DVL1: variants seen among roughly 807,000 people sequenced by gnomAD.
DVL1 encodes segment polarity protein dishevelled homolog DVL-1.
Under a neutral mutation model 65.0 loss-of-function variants are expected in DVL1, and 49 were observed. The observed-to-expected ratio is 0.75, with a 90% CI of 0.60 to 0.96. The LOEUF (loss-of-function observed/expected upper bound fraction) is 0.96, where lower values mean the gene tolerates loss of function less well. Ranked by LOEUF, DVL1 falls within the 40% of genes least tolerant of loss-of-function variation. The pLI is 0.00. For missense variants in DVL1, 1,197 were observed against 1,045.4 expected, an observed-to-expected ratio of 1.15 and a Z score of -2.00; for synonymous variants, 608 against 433.9, an observed-to-expected ratio of 1.40 and a Z score of -4.99.
rs1027260386 is a variant in DVL1 at position 1,337,030 on chromosome 1, C to T, written c.1715-515G>A. Reference sequence around the variant, plus strand: ...GACCCTGGCTTACCGGCCCAAGGTCCGCTCCGCTAGTCCTTCAGTCTAAGG... The same window carrying T: ...GACCCTGGCTTACCGGCCCAAGGTCTGCTCCGCTAGTCCTTCAGTCTAAGG... On this transcript the variant is annotated intron_variant, in intron 14 of 14. Coordinates refer to ENST00000378888, the MANE Select transcript of DVL1 (RefSeq NM_001330311.2). The T allele has an allele frequency of 4.2e-5, 42 of 989,262 alleles. No individual in the cohort carries two copies. The Middle Eastern group carries it at 2.1e-3, about 49-fold the overall frequency. The allele number at this position is 989,262 out of a possible 1,614,324, so 61.3% of individuals were successfully genotyped here.
At chr1:1,344,603 C>T (rs1032275187) in intron 1 of DVL1, among the ~76,000 whole-genome samples, 10 of 152,152 alleles carry the variant, frequency 6.6e-5, no homozygotes, top group South Asian at 2.1e-4. Context: ...ATGAGGTAGA[C>T]GCCCCCAAAG....
chr1:1,338,229 T>TTGCCGCC, intron 13 of DVL1, 40 bp downstream of exon 13: 3 of 1,522,366 alleles, frequency 2.0e-6, no homozygotes, highest in Non-Finnish European at 2.7e-6. Flanking sequence ...CCTCCGGCGT[T>TTGCCGCC]CCCCTCCCCC....
intron 1 of DVL1, among the ~76,000 whole-genome samples, chr1:1,343,138 C>T (rs998665897): frequency 1.3e-5 from 2 of 152,156 alleles, no homozygotes; most frequent in African/African-American, 4.8e-5. Flanking sequence ...GGTAGGAGGA[C>T]AGCTAGGGTG....
intron 14 of DVL1, chr1:1,337,737 C>T (rs1235340509): frequency 1.4e-6 from 1 of 695,040 alleles, no homozygotes; most frequent in Non-Finnish European, 2.6e-6. Context: ...CCCATTCACA[C>T]TGGCTCCTGG....
chr1:1,340,123 T>C lies in DVL1; in HGVS notation c.824A>G (p.Asp275Gly). The change falls in exon 8 of 15, where the codon GAC becomes GGC. Residue 275 changes from aspartate (D) to glycine (G), a missense_variant. By Grantham distance (94) the Asp-to-Gly change is moderately conservative (BLOSUM62 -1). Transcript: ENST00000378888. ...SIVGQSNDRG[D>G]GGIYIGSIMK... is the part of the protein sequence containing the mutation. Reference sequence around the variant, plus strand: ...GATGGAGCCAATGTAGATGCCGCCGTCTCCACGGTCGTTGCTCTGCCCCAC... The same window carrying C: ...GATGGAGCCAATGTAGATGCCGCCGCCTCCACGGTCGTTGCTCTGCCCCAC... 1 of 1,613,518 alleles carries C rather than the reference T, an allele frequency of 6.2e-7. No individual in the cohort carries two copies. Among genetic ancestry groups the C allele is most frequent in the Non-Finnish European group, 8.5e-7 (1 of 1,179,978 alleles).
At chr1:1,339,540 C>T in intron 10 of DVL1, 42 bp downstream of exon 10, 3 of 1,570,760 alleles carry the variant, frequency 1.9e-6, no homozygotes, top group Non-Finnish European at 2.6e-6. Flanking sequence ...TAGGTAGGCG[C>T]CCCCTCCCCA....
chr1:1,338,264 C>T lies in DVL1; in HGVS notation c.1507+5G>A. On this transcript the variant is annotated splice_donor_5th_base_variant and intron_variant, in intron 13 of 14. Coordinates refer to ENST00000378888, the MANE Select transcript of DVL1 (RefSeq NM_001330311.2). ...CCCGCCCTGAAGCCCGAAGCCCCCACTCACTGCTGCAGAGATCCCCGAAGA... is the reference window on the plus strand; with the variant it reads ...CCCGCCCTGAAGCCCGAAGCCCCCATTCACTGCTGCAGAGATCCCCGAAGA... 6.2e-7 allele frequency: 1 copy of T among 1,605,358 alleles called. No individual in the cohort carries two copies. Among genetic ancestry groups the T allele is most frequent in the Non-Finnish European group, 8.5e-7 (1 of 1,174,734 alleles).
chr1:1,339,826 G>A lies in DVL1; in HGVS notation c.910-14C>T, dbSNP rs757950194. ...CACGTCATTCACCTGCAGGGGTGGG[G>A]ATTAGGGTGGTGCAGGCAGGATGTG... is the stretch of plus-strand genomic sequence containing the variant. On this transcript the variant is annotated splice_polypyrimidine_tract_variant and intron_variant, in intron 8 of 14. Coordinates refer to ENST00000378888, the MANE Select transcript of DVL1 (RefSeq NM_001330311.2). 41 of 1,603,574 alleles carry A rather than the reference G, an allele frequency of 2.6e-5. No individual in the cohort carries two copies. In the South Asian group the frequency reaches 2.7e-4, roughly 11 times the overall value.
chr1:1,338,162 T>C lies in DVL1; in HGVS notation c.1529A>G (p.Asn510Ser), dbSNP rs779568971. The stretch of plus-strand genomic sequence containing the variant: ...ATCCGAAGTCCCACTGGAGCCACTG[T>C]TGAGGTTCAGGGTGGCGAGATCTGG... ...LCSNLATLNL[N>S]SGSSGTSDQD... The change falls in exon 14 of 15, where the codon AAC becomes AGC. Residue 510 changes from asparagine to serine, a missense_variant. Transcript: ENST00000378888. 5.6e-6 allele frequency: 9 copies of C among 1,608,692 alleles called. No homozygotes were observed. Among genetic ancestry groups the C allele is most frequent in the Non-Finnish European group, 7.6e-6 (9 of 1,177,924 alleles).
intron 5 of DVL1, 77 bp from the exon 6 acceptor site, chr1:1,340,580 G>T: frequency 1.4e-6 from 2 of 1,464,094 alleles, no homozygotes; most frequent in Non-Finnish European, 9.3e-7. Context: ...CCAATACTGA[G>T]TGGGAATCGG....
chr1:1,337,026 G>A (rs1203202172), intron 14 of DVL1: 1 of 989,544 alleles, frequency 1.0e-6, no homozygotes, highest in Non-Finnish European at 1.2e-6. Context: ...ACCGGCCCAA[G>A]GTCCGCTCCG....
chr1:1,336,261 G>GC lies in DVL1; in HGVS notation c.1968dup (p.Pro657AlafsTer50), dbSNP rs756990609. 20 of 1,559,574 alleles carry GC rather than the reference G, an allele frequency of 1.3e-5. No individual in the cohort carries two copies. The highest frequency in any genetic ancestry group is 3.5e-5 in the South Asian group (3 of 86,354). ...TCCCGGACAGGGGGTCCCCCGGGTG[G>GC]CCCCCCCACCACTGTATAGGCCTTG... On this transcript the variant is annotated frameshift_variant, in exon 15 of 15. Transcript: ENST00000378888. LOFTEE classifies it high-confidence loss of function.
chr1:1,340,770 A>G (rs529280206), intron 5 of DVL1, among the ~76,000 whole-genome samples: 1 of 148,644 alleles, frequency 6.7e-6, no homozygotes, highest in East Asian at 2.0e-4. Flanking sequence ...CTGCACACAC[A>G]TGCACACCTG....
Position 1,336,426 on chromosome 1 carries a change from T to C in DVL1, c.1804A>G (p.Ser602Gly), listed in dbSNP as rs753552772. 2.5e-6 allele frequency: 4 copies of C among 1,594,726 alleles called. No individual in the cohort carries two copies. In the African/African-American group the frequency reaches 4.0e-5, roughly 16 times the overall value. The change falls in exon 15 of 15, where the codon AGT (serine) becomes GGT (glycine). Residue 602 changes from serine (S) to glycine (G), a missense_variant. Physicochemically the swap from Ser to Gly is moderately conservative, Grantham distance 56. Coordinates refer to ENST00000378888, the MANE Select transcript of DVL1 (RefSeq NM_001330311.2). ...CTCGGTGCCGTGTGATCCGATTCAC[T>C]GCCACTGCCCCCAGCTCCCGCCGCC... ...RRAAGAGGSGSESDHTAPSGV... is the reference protein window; with the variant it reads ...RRAAGAGGSGGESDHTAPSGV...
intron 5 of DVL1, among the ~76,000 whole-genome samples, chr1:1,340,935 A>C (rs866846050): frequency 1.3e-4 from 19 of 145,232 alleles, no homozygotes; most frequent in African/African-American, 3.1e-4. Flanking sequence ...ACGCATGCAC[A>C]CCTGCACACA....
chr1:1,345,635 A>G, intron 1 of DVL1, among the ~76,000 whole-genome samples: 1 of 152,098 alleles, frequency 6.6e-6, no homozygotes, highest in East Asian at 1.9e-4. Flanking sequence ...CGCCCCGGGG[A>G]GGAATCCACT....
At chr1:1,347,727 G>C (rs561133302) in intron 1 of DVL1, among the ~76,000 whole-genome samples, 2 of 152,364 alleles carry the variant, frequency 1.3e-5, no homozygotes, top group South Asian at 4.1e-4. Context: ...GCCCGGACCA[G>C]ACTCAGAAAA....
chr1:1,341,744 G>C lies in DVL1; in HGVS notation c.528C>G (p.Asp176Glu). 1 of 1,609,584 alleles carries C rather than the reference G, an allele frequency of 6.2e-7. No individual in the cohort carries two copies. Among genetic ancestry groups the C allele is most frequent in the East Asian group, 2.2e-5 (1 of 44,790 alleles). The change falls in exon 5 of 15, where the codon GAC becomes GAG. Residue 176 changes from aspartate (D) to glutamate (E), a missense_variant. Transcript: ENST00000378888. The stretch of plus-strand genomic sequence containing the variant: ...CGCTGCTGAGGGCGGTGGACGCGCT[G>C]TCTGGGGGCAGCCCCACATCCCGCC... ...DRRRDVGLPP[D>E]SASTALSSEL...
intron 1 of DVL1, among the ~76,000 whole-genome samples, chr1:1,348,301 G>C (rs577085803): frequency 6.6e-6 from 1 of 152,162 alleles, no homozygotes; most frequent in Non-Finnish European, 1.5e-5. Context: ...CTCCGGGAAC[G>C]CAAGTGCTTT....
Sources: gnomAD v4.1 joint callset for allele counts (sites outside exome capture counted in the v4.1 genomes callset) on GRCh38, gnomAD v4.1.1 for gene constraint, MANE v1.5 for transcripts, NCBI Gene and HGNC (gene_info 2026-07-23, HGNC 2026-07-21) for gene names.